Variants in ZFAND3 observed in about 807,000 individuals in gnomAD.
ZFAND3 encodes the protein AN1-type zinc finger protein 3.
A neutral mutation model predicts 29.6 loss-of-function variants in ZFAND3; 10 were observed. The ratio of observed to expected loss-of-function variants is 0.34; its 90% CI spans 0.21 to 0.57. The LOEUF (loss-of-function observed/expected upper bound fraction) is 0.57. Ranked by LOEUF, ZFAND3 falls within the 20% of genes least tolerant of loss-of-function variation. The pLI, the probability that ZFAND3 is intolerant of heterozygous loss-of-function variation, is 0.86. For missense variants in ZFAND3, 230 were observed against 304.5 expected (o/e 0.76, Z 1.82); for synonymous variants, 128 against 112.6 (o/e 1.14, Z -0.87).
intron 1 of ZFAND3, among the ~76,000 whole-genome samples, chr6:37,854,622 CTA>C (rs1401309047): frequency 6.6e-6 from 1 of 152,100 alleles, no homozygotes; most frequent in African/African-American, 2.4e-5. Flanking sequence ...CTTAAGAACT[CTA>C]TGAGACAGGT....
intron 5 of ZFAND3, among the ~76,000 whole-genome samples, chr6:38,119,009 T>C (rs930879975): frequency 6.6e-6 from 1 of 152,236 alleles, no homozygotes; most frequent in African/African-American, 2.4e-5. Context: ...TGACTTTTTC[T>C]GTTGGAGAAG....
intron 1 of ZFAND3, among the ~76,000 whole-genome samples, chr6:37,858,750 G>A (rs762210917): frequency 2.0e-5 from 3 of 152,146 alleles, no homozygotes; most frequent in African/African-American, 7.2e-5. Flanking sequence ...TCTATAAAAG[G>A]TTAAGATGTT....
At chr6:38,149,179 G>A (rs533620792) in intron 5 of ZFAND3, among the ~76,000 whole-genome samples, 4 of 152,110 alleles carry the variant, frequency 2.6e-5, no homozygotes, top group South Asian at 2.1e-4. Flanking sequence ...AGGTCAAGGC[G>A]GGAGGAATGC....
chr6:38,002,320 T>A (rs1762964211), intron 2 of ZFAND3, among the ~76,000 whole-genome samples: 1 of 149,750 alleles, frequency 6.7e-6, no homozygotes. Flanking sequence ...CAGTTTAACA[T>A]CAAATGTTTC....
intron 1 of ZFAND3, among the ~76,000 whole-genome samples, chr6:37,860,118 G>A (rs56129320): frequency 0.21 from 30,304 of 144,000 alleles, 4,046 homozygotes; most frequent in African/African-American, 0.36. Context: ...TGATCCACCC[G>A]CCTCGGCCTC....
intron 1 of ZFAND3, among the ~76,000 whole-genome samples, chr6:37,880,999 C>G (rs1280613779): frequency 7.6e-6 from 1 of 132,034 alleles, no homozygotes; most frequent in East Asian, 2.2e-4. Context: ...TACCCTAAAA[C>G]TTAGAGTATA....
intron 1 of ZFAND3, among the ~76,000 whole-genome samples, chr6:37,912,704 G>GT (rs1218896389): frequency 6.6e-6 from 1 of 152,156 alleles, no homozygotes; most frequent in Non-Finnish European, 1.5e-5. Flanking sequence ...ATTTCACAGT[G>GT]TAAGCATATG....
At chr6:37,931,598 G>T (rs1385903734) in intron 2 of ZFAND3, among the ~76,000 whole-genome samples, 2 of 151,928 alleles carry the variant, frequency 1.3e-5, no homozygotes, top group Admixed American at 6.6e-5. Flanking sequence ...ATGTTAGTGT[G>T]TGTAAGTCTT....
chr6:38,148,391 C>G (rs1014710139), intron 5 of ZFAND3, among the ~76,000 whole-genome samples: 2 of 152,180 alleles, frequency 1.3e-5, no homozygotes, highest in Non-Finnish European at 2.9e-5. Context: ...CAGGTCAGTT[C>G]TGTGTACTCA....
At chr6:37,823,965 A>C (rs1298765005) in intron 1 of ZFAND3, among the ~76,000 whole-genome samples, 1 of 151,876 alleles carries the variant, frequency 6.6e-6, no homozygotes, top group African/African-American at 2.4e-5. Flanking sequence ...CTAATTTTTT[A>C]TTTTTAGTAG....
Position 38,089,447 on chromosome 6 carries a change from C to T in ZFAND3, c.361+6990C>T, listed in dbSNP as rs558319228. On this transcript the variant is annotated intron_variant, in intron 4 of 5. Coordinates refer to ENST00000287218, the MANE Select transcript of ZFAND3 (RefSeq NM_021943.3). Reference sequence around the variant, plus strand: ...CCAGCCTTGACTCACTTCTTTTGTACAGCCTGCTTATGATATTGTTTCTTC... The same window carrying T: ...CCAGCCTTGACTCACTTCTTTTGTATAGCCTGCTTATGATATTGTTTCTTC... Among the ~76,000 whole-genome samples, 224 of 152,118 alleles carry T rather than the reference C, an allele frequency of 1.5e-3. 2 individuals carry two copies. Among genetic ancestry groups the T allele is most frequent in the Admixed American group, 2.8e-3 (43 of 15,274 alleles).
intron 4 of ZFAND3, among the ~76,000 whole-genome samples, chr6:38,099,211 T>C (rs993691960): frequency 1.3e-5 from 2 of 152,164 alleles, no homozygotes; most frequent in Admixed American, 1.3e-4. Flanking sequence ...ACCAACAACA[T>C]GAGAAGATAC....
intron 2 of ZFAND3, among the ~76,000 whole-genome samples, chr6:37,993,470 G>A (rs1242340585): frequency 6.6e-6 from 1 of 152,054 alleles, no homozygotes; most frequent in Non-Finnish European, 1.5e-5. Context: ...AAGATTACAG[G>A]CGCGTGCCAC....
rs1242021218 is a variant in ZFAND3 at position 37,820,039 on chromosome 6, GCGGGGGGCGGGGGC to G, written c.71+30_71+43del. On this transcript the variant is annotated intron_variant, in intron 1 of 5. Transcript: ENST00000287218. ...GGGGTAAGTGCCCGGCCGGGTGGGGGCGGGGGGCGGGGGCCGGGGGCGCAGACGCCAGGGCAGCC... is the reference window on the plus strand; with the variant it reads ...GGGGTAAGTGCCCGGCCGGGTGGGGGCGGGGGCGCAGACGCCAGGGCAGCC... 1.4e-4 allele frequency: 123 copies of G among 872,320 alleles called. No homozygotes were observed. In the African/African-American group the frequency reaches 1.6e-3, roughly 12 times the overall value. 54.0% of individuals were successfully genotyped at this position (872,320 alleles called of 1,614,324 possible).
At chr6:37,907,518 CGTGTTTT>C (rs1251659600) in intron 1 of ZFAND3, among the ~76,000 whole-genome samples, 1 of 152,078 alleles carries the variant, frequency 6.6e-6, no homozygotes, top group African/African-American at 2.4e-5. Context: ...TCTCACTGAA[CGTGTTTT>C]TGTGGTTCAT....
rs551492108 is a variant in ZFAND3, at chr6:38,014,258, C to T, written c.113-47335C>T. On this transcript the variant is annotated intron_variant, in intron 2 of 5. Coordinates refer to ENST00000287218, the MANE Select transcript of ZFAND3 (RefSeq NM_021943.3). Reference sequence around the variant, plus strand: ...TAAAAAGAGAGAGAGAATTTGTTAACACAGATAAATCACTAATTGGTGAAA... The same window carrying T: ...TAAAAAGAGAGAGAGAATTTGTTAATACAGATAAATCACTAATTGGTGAAA... Among the ~76,000 whole-genome samples the T allele has an allele frequency of 5.9e-5, 9 of 151,964 alleles. No homozygotes were observed. In the South Asian group the frequency reaches 1.7e-3, roughly 28 times the overall value.
chr6:37,998,552 GA>G (rs1265743252), intron 2 of ZFAND3, among the ~76,000 whole-genome samples: 1 of 151,730 alleles, frequency 6.6e-6, no homozygotes, highest in African/African-American at 2.4e-5. Flanking sequence ...GAGGGGGAGA[GA>G]AAAAAATGCT....
intron 4 of ZFAND3, among the ~76,000 whole-genome samples, chr6:38,087,222 A>C (rs1764774716): frequency 6.6e-6 from 1 of 152,238 alleles, no homozygotes; most frequent in Non-Finnish European, 1.5e-5. Context: ...CTGAAACCTC[A>C]AACTATGAAA....
At chr6:37,858,699 T>C (rs921017760) in intron 1 of ZFAND3, among the ~76,000 whole-genome samples, 1 of 152,232 alleles carries the variant, frequency 6.6e-6, no homozygotes, top group Non-Finnish European at 1.5e-5. Flanking sequence ...ATTTAATATT[T>C]CCTGCGTATG....
Sources: gnomAD v4.1 joint callset for allele counts (sites outside exome capture counted in the v4.1 genomes callset) on GRCh38, gnomAD v4.1.1 for gene constraint, MANE v1.5 for transcripts, NCBI Gene and HGNC (gene_info 2026-07-23, HGNC 2026-07-21) for gene names.